Variants in MYO1D observed in about 807,000 individuals in gnomAD.
MYO1D encodes the protein myosin ID.
In MYO1D, 83 loss-of-function variants were observed where a neutral mutation model predicts 122.0. The observed-to-expected ratio is 0.68, with a 90% CI of 0.57 to 0.82. MYO1D has a LOEUF of 0.82. Ranked by LOEUF, MYO1D falls within the 40% of genes least tolerant of loss-of-function variation. The pLI is 0.00. For missense variants in MYO1D, 1,157 were observed against 1,269.5 expected (o/e 0.91, Z 1.35); for synonymous variants, 464 against 446.9 (o/e 1.04, Z -0.48).
At chr17:32,837,382 C>G (rs926961837) in intron 1 of MYO1D, among the ~76,000 whole-genome samples, 1 of 150,504 alleles carries the variant, frequency 6.6e-6, no homozygotes, top group Non-Finnish European at 1.5e-5. Context: ...AAATCTTTTC[C>G]CAGACTGTGG....
Position 32,760,640 on chromosome 17 carries a change from T to C in MYO1D, c.1036-13A>G, listed in dbSNP as rs943936101. 3.8e-6 allele frequency: 6 copies of C among 1,594,642 alleles called. No individual in the cohort carries two copies. The highest frequency in any genetic ancestry group is 2.3e-5 in the South Asian group (2 of 88,596). The stretch of plus-strand genomic sequence containing the variant: ...GCTCATATATTGCCTGCAAGGAAAA[T>C]AGCATCATAAATGCTTGCCAATTTG... On this transcript the variant is annotated splice_polypyrimidine_tract_variant and intron_variant, in intron 8 of 21. Coordinates refer to ENST00000318217, the MANE Select transcript of MYO1D (RefSeq NM_015194.3).
At chr17:32,640,580 G>T (rs906152775) in intron 19 of MYO1D, among the ~76,000 whole-genome samples, 4 of 145,802 alleles carry the variant, frequency 2.7e-5, no homozygotes, top group Admixed American at 2.1e-4. Context: ...GTGGTGTTTG[G>T]TTTTTTGTTC....
At chr17:32,864,637 G>A (rs536445875) in intron 1 of MYO1D, among the ~76,000 whole-genome samples, 8 of 150,076 alleles carry the variant, frequency 5.3e-5, no homozygotes, top group African/African-American at 1.7e-4. Context: ...CAAGAGCAAT[G>A]GTAATTTCAT....
intron 21 of MYO1D, among the ~76,000 whole-genome samples, chr17:32,585,742 T>TAAAA (rs5819989): frequency 8.9e-6 from 1 of 112,152 alleles, no homozygotes. Flanking sequence ...CGTCTCAAAA[T>TAAAA]AAAAAAAAAA....
At chr17:32,655,120 T>TA (rs2088457530) in intron 17 of MYO1D, among the ~76,000 whole-genome samples, 1 of 152,258 alleles carries the variant, frequency 6.6e-6, no homozygotes, top group South Asian at 2.1e-4. Flanking sequence ...AGATCTTTCC[T>TA]AAAACTTGCT....
At position 32,842,180 on chromosome 17, in the gene MYO1D, C is replaced by CG. The variant is rs144021083; in HGVS notation, c.95+34597dup. Among the ~76,000 whole-genome samples the CG allele has an allele frequency of 8.9e-4, 135 of 152,104 alleles. 3 individuals are homozygous for CG. The East Asian group carries it at 0.024, about 27-fold the overall frequency. On this transcript the variant is annotated intron_variant, in intron 1 of 21. Coordinates refer to ENST00000318217, the MANE Select transcript of MYO1D (RefSeq NM_015194.3). ...CCAGGTGACGGTCCCTGAAGGTCAG[C>CG]GGAACAAGGCAGTTTAAGACTGGGA... is the stretch of plus-strand genomic sequence containing the variant.
chr17:32,703,582 T>C (rs546561639), intron 16 of MYO1D, among the ~76,000 whole-genome samples: 3 of 152,080 alleles, frequency 2.0e-5, no homozygotes, highest in African/African-American at 4.8e-5. Context: ...TGCCTGGCTA[T>C]TGACGATTTT....
chr17:32,766,427 C>A (rs1258005084), intron 7 of MYO1D, among the ~76,000 whole-genome samples: 1 of 152,044 alleles, frequency 6.6e-6, no homozygotes, highest in Non-Finnish European at 1.5e-5. Context: ...CTTACCCTAC[C>A]CTATACGACA....
At chr17:32,820,023 ATG>A (rs1378337521) in intron 1 of MYO1D, among the ~76,000 whole-genome samples, 3 of 152,202 alleles carry the variant, frequency 2.0e-5, no homozygotes, top group Non-Finnish European at 4.4e-5. Flanking sequence ...CTCATTCCAG[ATG>A]TGGCAAGAGG....
chr17:32,819,016 C>T (rs959675228), intron 1 of MYO1D, among the ~76,000 whole-genome samples: 5 of 152,106 alleles, frequency 3.3e-5, no homozygotes, highest in Non-Finnish European at 7.3e-5. Context: ...TAGGATATGC[C>T]TGGAAAGTGT....
intron 15 of MYO1D, among the ~76,000 whole-genome samples, chr17:32,719,130 T>C (rs1016098084): frequency 1.3e-5 from 2 of 152,252 alleles, no homozygotes; most frequent in Admixed American, 6.5e-5. Context: ...GTACTGTGCT[T>C]ACCTAGATGC....
intron 21 of MYO1D, among the ~76,000 whole-genome samples, chr17:32,545,058 G>A (rs1031046819): frequency 2.6e-5 from 4 of 152,120 alleles, no homozygotes; most frequent in African/African-American, 9.7e-5. Context: ...AAGGGGAGGA[G>A]GCATCTCTTC....
chr17:32,776,369 C>CGT (rs1004098122), intron 3 of MYO1D, among the ~76,000 whole-genome samples: 27 of 151,474 alleles, frequency 1.8e-4, no homozygotes, highest in East Asian at 1.5e-3. Context: ...TGTATGTTCA[C>CGT]GTGTGTGTGT....
intron 15 of MYO1D, among the ~76,000 whole-genome samples, chr17:32,719,273 T>C (rs1232980706): frequency 1.3e-5 from 2 of 152,082 alleles, no homozygotes; most frequent in East Asian, 1.9e-4. Context: ...ATATCTATAA[T>C]AGTCCCTTAC....
intron 8 of MYO1D, among the ~76,000 whole-genome samples, chr17:32,761,206 T>G (rs141750861): frequency 1.3e-5 from 2 of 152,290 alleles, no homozygotes; most frequent in Non-Finnish European, 2.9e-5. Context: ...ACATGTGCTC[T>G]GCAACGTCAC....
At chr17:32,512,360 A>G (rs558800406) in intron 21 of MYO1D, among the ~76,000 whole-genome samples, 27 of 152,238 alleles carry the variant, frequency 1.8e-4, no homozygotes, top group Admixed American at 9.8e-4. Context: ...TGCAAGATAA[A>G]TAATAAAAAG....
intron 13 of MYO1D, among the ~76,000 whole-genome samples, chr17:32,744,342 C>T (rs1229287828): frequency 6.6e-6 from 1 of 152,162 alleles, no homozygotes; most frequent in Admixed American, 6.5e-5. Flanking sequence ...TAATTCCTTC[C>T]CAGCCCCTCC....
intron 13 of MYO1D, among the ~76,000 whole-genome samples, chr17:32,739,104 G>C (rs1379121332): frequency 6.6e-6 from 1 of 152,072 alleles, no homozygotes; most frequent in Non-Finnish European, 1.5e-5. Flanking sequence ...AACGTGTAGT[G>C]ATCTCAACTG....
At chr17:32,723,540 A>C (rs1260903673) in intron 14 of MYO1D, among the ~76,000 whole-genome samples, 1 of 151,716 alleles carries the variant, frequency 6.6e-6, no homozygotes, top group Non-Finnish European at 1.5e-5. Flanking sequence ...TCTCTACACC[A>C]CTTCTCGAAT....
Sources: allele counts gnomAD v4.1 joint callset (sites outside exome capture counted in the v4.1 genomes callset), GRCh38; gene constraint gnomAD v4.1.1; transcripts MANE v1.5; gene names NCBI Gene and HGNC (gene_info 2026-07-23, HGNC 2026-07-21).